Variants in SDHB observed in about 807,000 individuals in gnomAD.
SDHB encodes the protein succinate dehydrogenase [ubiquinone] iron-sulfur subunit, mitochondrial.
A neutral mutation model predicts 39.7 loss-of-function variants in SDHB; 21 were observed. That is an observed-to-expected ratio of 0.53 (90% CI 0.37 to 0.76). The LOEUF (loss-of-function observed/expected upper bound fraction) is 0.76. Among genes scored for constraint, SDHB ranks in the 30% least tolerant of loss-of-function variants. The pLI, the probability that SDHB is intolerant of heterozygous loss-of-function variation, is 0.00. For synonymous variants in SDHB, 118 were observed against 117.0 expected (o/e 1.01, Z -0.06); for missense variants, 343 against 350.9 (o/e 0.98, Z 0.18).
intron 7 of SDHB, 132 bp downstream of exon 7, chr1:17,022,476 G>T: frequency 2.4e-6 from 3 of 1,269,770 alleles, no homozygotes; most frequent in East Asian, 2.4e-5. Flanking sequence ...ACACTGAAAG[G>T]ACAGGCATAT....
chr1:17,045,336 G>C (rs1388499864), intron 1 of SDHB: 1 of 209,680 alleles, frequency 4.8e-6, no homozygotes, highest in African/African-American at 2.4e-5. Context: ...GGTGTGGTCT[G>C]AGGGTGGTGG....
chr1:17,048,394 G>A (rs2078125279), intron 1 of SDHB, among the ~76,000 whole-genome samples: 1 of 152,142 alleles, frequency 6.6e-6, no homozygotes, highest in East Asian at 1.9e-4. Flanking sequence ...TAACTACTGA[G>A]GGACATTGGG....
chr1:17,024,097 C>T (rs748616625), intron 5 of SDHB, 23 bp from the exon 6 acceptor site: 2 of 1,555,082 alleles, frequency 1.3e-6, no homozygotes, highest in Non-Finnish European at 8.9e-7. Context: ...AAAAGAGAGG[C>T]AGGAGCTTGT....
At chr1:17,023,182 C>T (rs933912982) in intron 6 of SDHB, 9 of 297,304 alleles carry the variant, frequency 3.0e-5, no homozygotes, top group Non-Finnish European at 5.9e-5. Context: ...ATTCTTTGAA[C>T]TTACACAGCG....
intron 3 of SDHB, among the ~76,000 whole-genome samples, chr1:17,029,790 C>A (rs1451256730): frequency 6.6e-6 from 1 of 152,120 alleles, no homozygotes; most frequent in East Asian, 1.9e-4. Flanking sequence ...GTGGTGGAGT[C>A]ATAGCTCACT....
intron 1 of SDHB, among the ~76,000 whole-genome samples, chr1:17,051,772 T>G (rs1027463156): frequency 2.0e-5 from 3 of 152,116 alleles, no homozygotes; most frequent in African/African-American, 7.2e-5. Flanking sequence ...TATCAGTCTT[T>G]GTATTATTCT....
intron 2 of SDHB, among the ~76,000 whole-genome samples, chr1:17,037,377 C>T (rs569153565): frequency 2.6e-5 from 4 of 151,526 alleles, no homozygotes; most frequent in Admixed American, 2.6e-4. Context: ...TCATGGCTCA[C>T]TGCAGCCTCG....
intron 2 of SDHB, among the ~76,000 whole-genome samples, chr1:17,041,584 C>T (rs1484634725): frequency 6.6e-6 from 1 of 152,084 alleles, no homozygotes; most frequent in Admixed American, 6.6e-5. Flanking sequence ...ATCGCTTGAA[C>T]CCGGGAGGCG....
intron 1 of SDHB, among the ~76,000 whole-genome samples, chr1:17,051,861 G>A (rs2078150038): frequency 6.8e-6 from 1 of 147,466 alleles, no homozygotes; most frequent in Non-Finnish European, 1.5e-5. Flanking sequence ...TTTTTTTTGA[G>A]ACTGAGTTTC....
At chr1:17,032,956 A>C (rs1283663991) in intron 3 of SDHB, 104 bp downstream of exon 3, 1 of 841,652 alleles carries the variant, frequency 1.2e-6, no homozygotes, top group Non-Finnish European at 2.1e-6. Context: ...TTCACCCAGC[A>C]GAGAGCTGCA....
intron 2 of SDHB, among the ~76,000 whole-genome samples, chr1:17,042,883 G>A (rs1323136572): frequency 6.7e-6 from 1 of 149,568 alleles, no homozygotes; most frequent in Non-Finnish European, 1.5e-5. Context: ...TATTTTTTAC[G>A]TGTTCCTGAT....
intron 1 of SDHB, among the ~76,000 whole-genome samples, chr1:17,048,220 A>C (rs1043913737): frequency 6.6e-6 from 1 of 152,210 alleles, no homozygotes; most frequent in African/African-American, 2.4e-5. Context: ...CAAGAATGTT[A>C]TATCAATATA....
intron 1 of SDHB, 155 bp from the exon 2 acceptor site, chr1:17,045,043 T>C (rs2078102020): frequency 1.5e-6 from 1 of 686,326 alleles, no homozygotes; most frequent in African/African-American, 1.8e-5. Context: ...ATCCAACAAG[T>C]ATTAAGCACC....
At position 17,019,330 on chromosome 1, in the gene SDHB, C is replaced by A. The variant is rs551308016; in HGVS notation, c.766-372G>T. ...CAGCCAGACATCTCTAAATCTTTTA[C>A]ATCATCATTATTAAATAGGCAGCAG... On this transcript the variant is annotated intron_variant, in intron 7 of 7. Transcript: ENST00000375499. Among the ~76,000 whole-genome samples the A allele has an allele frequency of 1.4e-4, 21 of 152,182 alleles. No homozygotes were observed. The South Asian group carries it at 1.5e-3, about 11-fold the overall frequency.
At chr1:17,023,366 C>T (rs972989423) in intron 6 of SDHB, among the ~76,000 whole-genome samples, 1 of 152,166 alleles carries the variant, frequency 6.6e-6, no homozygotes, top group Non-Finnish European at 1.5e-5. Context: ...ATCAATATTG[C>T]TCATGTGGTC....
At chr1:17,040,530 T>C (rs908698385) in intron 2 of SDHB, among the ~76,000 whole-genome samples, 3 of 152,150 alleles carry the variant, frequency 2.0e-5, no homozygotes, top group Non-Finnish European at 2.9e-5. Context: ...TTATAGCTCA[T>C]AGCAGCCTCA....
chr1:17,035,172 A>G (rs1293911112), intron 2 of SDHB, among the ~76,000 whole-genome samples: 1 of 152,176 alleles, frequency 6.6e-6, no homozygotes, highest in Non-Finnish European at 1.5e-5. Flanking sequence ...TTAAACATAC[A>G]TGAGTTAAAT....
intron 7 of SDHB, among the ~76,000 whole-genome samples, chr1:17,022,056 A>G (rs573353802): frequency 6.6e-6 from 1 of 152,298 alleles, no homozygotes; most frequent in South Asian, 2.1e-4. Flanking sequence ...AAGTGCTGGG[A>G]GGCAGGCGGG....
intron 4 of SDHB, among the ~76,000 whole-genome samples, chr1:17,028,149 C>T (rs1294810197): frequency 6.6e-6 from 1 of 152,182 alleles, no homozygotes; most frequent in Non-Finnish European, 1.5e-5. Context: ...CAAAGGTGTT[C>T]AAATATAGGG....
Sources: allele counts gnomAD v4.1 joint callset (sites outside exome capture counted in the v4.1 genomes callset), GRCh38; gene constraint gnomAD v4.1.1; transcripts MANE v1.5; gene names NCBI Gene and HGNC (gene_info 2026-07-23, HGNC 2026-07-21).